The following PURB variants were observed in gnomAD, a reference collection of about 807,000 sequenced individuals.
The protein encoded by PURB is purine rich element binding protein B.
Under a neutral mutation model 21.1 loss-of-function variants are expected in PURB, and 11 were observed. The observed-to-expected ratio is 0.52, with a 90% CI of 0.33 to 0.86. The LOEUF is 0.86. Ranked by LOEUF, PURB falls within the 40% of genes least tolerant of loss-of-function variation. The pLI, the probability that PURB is intolerant of heterozygous loss-of-function variation, is 0.02. For missense variants in PURB, 357 were observed against 456.5 expected, an observed-to-expected ratio of 0.78 and a Z score of 1.99; for synonymous variants, 246 against 210.8, an observed-to-expected ratio of 1.17 and a Z score of -1.45.
rs555944222 is a variant in PURB, at chr7:44,877,284, C to A, written c.*7126G>T. The A allele has an allele frequency of 6.6e-6, 1 of 152,160 alleles. No individual in the cohort carries two copies. The highest frequency in any genetic ancestry group is 2.4e-5 in the African/African-American group (1 of 41,490). 9.4% of individuals were successfully genotyped at this position (152,160 alleles called of 1,614,324 possible). On this transcript the variant is annotated 3_prime_UTR_variant, in exon 1 of 1. Transcript: ENST00000395699. ...TCTTGGAAAAACATCTGGATGGAGG[C>A]CCAAAATAATAAATCCCTACTATAA...
rs1344974589 is a variant in PURB at position 44,878,391 on chromosome 7, T to TA, written c.*6018dup. 1.1e-4 allele frequency: 16 copies of TA among 152,242 alleles called. No individual in the cohort carries two copies. Among genetic ancestry groups the TA allele is most frequent in the Non-Finnish European group, 2.2e-4 (15 of 68,042 alleles). 9.4% of individuals were successfully genotyped at this position (152,242 alleles called of 1,614,324 possible). A position where few individuals can be genotyped will look rare whatever the true frequency, so the allele number is the denominator to read the frequency against. On this transcript the variant is annotated 3_prime_UTR_variant, in exon 1 of 1. Coordinates refer to ENST00000395699, the MANE Select transcript of PURB (RefSeq NM_033224.5). ...TCTAGACTCAAAATCTGTTGACACT[T>TA]AAAGTATAATTATACTTTTTTATTA...
At position 44,878,163 on chromosome 7, in the gene PURB, C is replaced by T. The variant is rs1157652565; in HGVS notation, c.*6247G>A. The stretch of plus-strand genomic sequence containing the variant: ...AAATGGATATTTTGGAAAAAGTTAG[C>T]TATTGAAGTGTTATTTAAGGTAAGG... On this transcript the variant is annotated 3_prime_UTR_variant, in exon 1 of 1. Transcript: ENST00000395699. The T allele has an allele frequency of 6.6e-6, 1 of 152,114 alleles. No individual in the cohort carries two copies. Among genetic ancestry groups the T allele is most frequent in the African/African-American group, 2.4e-5 (1 of 41,428 alleles). 9.4% of individuals were successfully genotyped at this position (152,114 alleles called of 1,614,324 possible). A position where few individuals can be genotyped will look rare whatever the true frequency, so the allele number is the denominator to read the frequency against.
rs1793810208 is a variant in PURB, at chr7:44,876,998, C to T, written c.*7412G>A. ...ATTTACACAGAGATTGAAGACATCC[C>T]CAAAAAACACATTTTAAAGTAATTT... On this transcript the variant is annotated 3_prime_UTR_variant, in exon 1 of 1. Coordinates refer to ENST00000395699, the MANE Select transcript of PURB (RefSeq NM_033224.5). 1 of 152,520 alleles carries T rather than the reference C, an allele frequency of 6.6e-6. No homozygotes were observed. Among genetic ancestry groups the T allele is most frequent in the Admixed American group, 6.6e-5 (1 of 15,264 alleles). The allele number at this position is 152,520 out of a possible 1,614,324, so 9.4% of individuals were successfully genotyped here.
rs1028312430 is a variant in PURB, at chr7:44,881,079, T to C, written c.*3331A>G. On this transcript the variant is annotated 3_prime_UTR_variant, in exon 1 of 1. Transcript: ENST00000395699. ...GTAGGATCTCTTCACAGATTTTTAT[T>C]CTTTTGATTCTGTTCCTAAAATTTG... 1.3e-5 allele frequency: 2 copies of C among 152,578 alleles called. No individual in the cohort carries two copies. The highest frequency in any genetic ancestry group is 4.8e-5 in the African/African-American group (2 of 41,456). 9.5% of individuals were successfully genotyped at this position (152,578 alleles called of 1,614,324 possible). A position where few individuals can be genotyped will look rare whatever the true frequency, so the allele number is the denominator to read the frequency against.
rs1330660865 is a variant in PURB, at chr7:44,879,077, G to A, written c.*5333C>T. On this transcript the variant is annotated 3_prime_UTR_variant, in exon 1 of 1. Coordinates refer to ENST00000395699, the MANE Select transcript of PURB (RefSeq NM_033224.5). ...ATTTTTTGAGACGGAGTCTTGTTCT[G>A]TTACCCAGGCTGGAGTGCAATGGCG... The A allele has an allele frequency of 6.6e-6, 1 of 152,154 alleles. No individual in the cohort carries two copies. Among genetic ancestry groups the A allele is most frequent in the African/African-American group, 2.4e-5 (1 of 41,420 alleles). 9.4% of individuals were successfully genotyped at this position (152,154 alleles called of 1,614,324 possible). A position where few individuals can be genotyped will look rare whatever the true frequency, so the allele number is the denominator to read the frequency against.
In PURB at chr7:44,881,833, A is replaced by T. The variant is rs922042793; in HGVS notation, c.*2577T>A. 3 of 154,752 alleles carry T rather than the reference A, an allele frequency of 1.9e-5. No homozygotes were observed. The highest frequency in any genetic ancestry group is 2.9e-5 in the Non-Finnish European group (2 of 68,210). 9.6% of individuals were successfully genotyped at this position (154,752 alleles called of 1,614,324 possible). A position where few individuals can be genotyped will look rare whatever the true frequency, so the allele number is the denominator to read the frequency against. ...TTCAGCTAATTATAGCTTAGTAGCCACTGGTGAAGGATTGTGAAGACCCTG... is the reference window on the plus strand; with the variant it reads ...TTCAGCTAATTATAGCTTAGTAGCCTCTGGTGAAGGATTGTGAAGACCCTG... On this transcript the variant is annotated 3_prime_UTR_variant, in exon 1 of 1. Transcript: ENST00000395699.
chr7:44,884,336 G>A lies in PURB; in HGVS notation c.*74C>T. On this transcript the variant is annotated 3_prime_UTR_variant, in exon 1 of 1. Transcript: ENST00000395699. Reference sequence around the variant, plus strand: ...GCTCCCTCTCCACTAGCTCACTGGGGATGAGCAGGAAAGGGAATTCTCTAG... The same window carrying A: ...GCTCCCTCTCCACTAGCTCACTGGGAATGAGCAGGAAAGGGAATTCTCTAG... 6.4e-7 allele frequency: 1 copy of A among 1,560,126 alleles called. No individual in the cohort carries two copies.
rs3832522 is a variant in PURB, at chr7:44,881,638, C to CT, written c.*2771dup. The CT allele has an allele frequency of 2.0e-5, 3 of 152,616 alleles. No homozygotes were observed. Among genetic ancestry groups the CT allele is most frequent in the Non-Finnish European group, 2.9e-5 (2 of 68,072 alleles). The allele number at this position is 152,616 out of a possible 1,614,324, so 9.5% of individuals were successfully genotyped here. A position where few individuals can be genotyped will look rare whatever the true frequency, so the allele number is the denominator to read the frequency against. On this transcript the variant is annotated 3_prime_UTR_variant, in exon 1 of 1. Transcript: ENST00000395699. Reference sequence around the variant, plus strand: ...CACATAGCTTATGCATTCTTTGCTCCTTTTTTTGGAGGATTTTCAAATTGA... The same window carrying CT: ...CACATAGCTTATGCATTCTTTGCTCCTTTTTTTTGGAGGATTTTCAAATTGA...
In PURB at chr7:44,878,789, A is replaced by G. The variant is rs1346482361; in HGVS notation, c.*5621T>C. On this transcript the variant is annotated 3_prime_UTR_variant, in exon 1 of 1. Transcript: ENST00000395699. Reference sequence around the variant, plus strand: ...TTTCCAAATCTAATTTTCAGTACTGATAATTGGACAATTTTCAAGTAAGAG... The same window carrying G: ...TTTCCAAATCTAATTTTCAGTACTGGTAATTGGACAATTTTCAAGTAAGAG... 6.6e-6 allele frequency: 1 copy of G among 152,500 alleles called. No individual in the cohort carries two copies. Among genetic ancestry groups the G allele is most frequent in the East Asian group, 1.9e-4 (1 of 5,200 alleles). The allele number at this position is 152,500 out of a possible 1,614,324, so 9.4% of individuals were successfully genotyped here. A position where few individuals can be genotyped will look rare whatever the true frequency, so the allele number is the denominator to read the frequency against.
rs1446070215 is a variant in PURB at position 44,882,665 on chromosome 7, T to C, written c.*1745A>G. 1 of 152,238 alleles carries C rather than the reference T, an allele frequency of 6.6e-6. No homozygotes were observed. The highest frequency in any genetic ancestry group is 1.5e-5 in the Non-Finnish European group (1 of 68,016). 9.4% of individuals were successfully genotyped at this position (152,238 alleles called of 1,614,324 possible). A position where few individuals can be genotyped will look rare whatever the true frequency, so the allele number is the denominator to read the frequency against. ...CCAAAATAAGATAATAAAAAGGATA[T>C]GCAATAAATTAAAAAGGCAGCTCAA... On this transcript the variant is annotated 3_prime_UTR_variant, in exon 1 of 1. Transcript: ENST00000395699.
At position 44,884,250 on chromosome 7, in the gene PURB, C is replaced by A; in HGVS notation, c.*160G>T. The stretch of plus-strand genomic sequence containing the variant: ...TTTTCTCAAGTTGTCCGTCACTGTT[C>A]TCTTACGATTATTTCTCTTAACTGT... On this transcript the variant is annotated 3_prime_UTR_variant, in exon 1 of 1. Coordinates refer to ENST00000395699, the MANE Select transcript of PURB (RefSeq NM_033224.5). 1.4e-6 allele frequency: 2 copies of A among 1,415,002 alleles called. No individual in the cohort carries two copies. Among genetic ancestry groups the A allele is most frequent in the East Asian group, 5.0e-5 (2 of 40,006 alleles). 87.7% of individuals were successfully genotyped at this position (1,415,002 alleles called of 1,614,324 possible).
Position 44,884,481 on chromosome 7 carries a change from G to A in PURB, c.868C>T (p.Leu290Phe), listed in dbSNP as rs1271405493. 6.2e-7 allele frequency: 1 copy of A among 1,613,904 alleles called. No individual in the cohort carries two copies. Among genetic ancestry groups the A allele is most frequent in the Non-Finnish European group, 8.5e-7 (1 of 1,180,000 alleles). Residue 290 changes from leucine (L) to phenylalanine (F), a missense_variant, in exon 1 of 1, where the codon CTT becomes TTT. Coordinates refer to ENST00000395699, the MANE Select transcript of PURB (RefSeq NM_033224.5). ...CTGCCCCCACCACGTCGCTCATAAA[G>A]CTTATCCCTCTGTCGTTCCTGGATT... The part of the protein sequence containing the change: ...KEIQERQRDK[L>F]YERRGGGSGG...
rs201815837 is a variant in PURB, at chr7:44,885,172, G to C, written c.177C>G (p.Leu59=). The part of the protein sequence containing the change: ...DVKQNAKGRF[L]KIAEVGAGGS... ...CGCCCGCGCCCACCTCGGCGATCTT[G>C]AGGAAGCGGCCCTTGGCGTTCTGCT... The change falls in exon 1 of 1, where the codon CTC becomes CTG. Residue 59 remains leucine, a synonymous_variant. Transcript: ENST00000395699. 3.0e-5 allele frequency: 47 copies of C among 1,584,736 alleles called. No individual in the cohort carries two copies. The highest frequency in any genetic ancestry group is 3.8e-5 in the Non-Finnish European group (45 of 1,170,278).
rs1331050873 is a variant in PURB at position 44,885,187 on chromosome 7, G to C, written c.162C>G (p.Ala54=). 2.5e-6 allele frequency: 4 copies of C among 1,588,448 alleles called. No homozygotes were observed. Among genetic ancestry groups the C allele is most frequent in the Non-Finnish European group, 3.4e-6 (4 of 1,171,462 alleles). ...CGGCGATCTTGAGGAAGCGGCCCTT[G>C]GCGTTCTGCTTCACATCTAAGTAGA... ...KRFYLDVKQN[A]KGRFLKIAEV... Residue 54 remains alanine (A), a synonymous_variant, in exon 1 of 1, where the codon GCC becomes GCG. Coordinates refer to ENST00000395699, the MANE Select transcript of PURB (RefSeq NM_033224.5).
rs935407081 is a variant in PURB, at chr7:44,878,925, G to C, written c.*5485C>G. 1.3e-5 allele frequency: 2 copies of C among 152,170 alleles called. No individual in the cohort carries two copies. The highest frequency in any genetic ancestry group is 4.8e-5 in the African/African-American group (2 of 41,454). The allele number at this position is 152,170 out of a possible 1,614,324, so 9.4% of individuals were successfully genotyped here. A position where few individuals can be genotyped will look rare whatever the true frequency, so the allele number is the denominator to read the frequency against. The stretch of plus-strand genomic sequence containing the variant: ...AAAGAAATCATTATTCAAGAGTCCA[G>C]CTATCTGCTGAAACTTCTGGGGGGC... On this transcript the variant is annotated 3_prime_UTR_variant, in exon 1 of 1. Transcript: ENST00000395699.
In PURB at chr7:44,883,715, G is replaced by A. The variant is rs142417079; in HGVS notation, c.*695C>T. On this transcript the variant is annotated 3_prime_UTR_variant, in exon 1 of 1. Coordinates refer to ENST00000395699, the MANE Select transcript of PURB (RefSeq NM_033224.5). ...GCATCCTGGAAAACAATTCTGCGAA[G>A]AAAAGACATTTGCCTTGGTCCAGGT... is the stretch of plus-strand genomic sequence containing the variant. 6.6e-6 allele frequency: 1 copy of A among 152,592 alleles called. No homozygotes were observed. Among genetic ancestry groups the A allele is most frequent in the African/African-American group, 2.4e-5 (1 of 41,578 alleles). 9.5% of individuals were successfully genotyped at this position (152,592 alleles called of 1,614,324 possible).
rs933622115 is a variant in PURB, at chr7:44,883,435, T to C, written c.*975A>G. The C allele has an allele frequency of 2.6e-5, 4 of 152,614 alleles. No individual in the cohort carries two copies. Among genetic ancestry groups the C allele is most frequent in the African/African-American group, 9.7e-5 (4 of 41,438 alleles). 9.5% of individuals were successfully genotyped at this position (152,614 alleles called of 1,614,324 possible). A position where few individuals can be genotyped will look rare whatever the true frequency, so the allele number is the denominator to read the frequency against. On this transcript the variant is annotated 3_prime_UTR_variant, in exon 1 of 1. Coordinates refer to ENST00000395699, the MANE Select transcript of PURB (RefSeq NM_033224.5). ...AGCCATAATTCACTGGCTCACACAG[T>C]GGAGATCTGGCTCTCATTCATACCA...
Position 44,877,231 on chromosome 7 carries a change from A to C in PURB, c.*7179T>G, listed in dbSNP as rs1184357566. The C allele has an allele frequency of 6.6e-6, 1 of 152,424 alleles. No individual in the cohort carries two copies. The highest frequency in any genetic ancestry group is 1.9e-4 in the East Asian group (1 of 5,202). The allele number at this position is 152,424 out of a possible 1,614,324, so 9.4% of individuals were successfully genotyped here. A position where few individuals can be genotyped will look rare whatever the true frequency, so the allele number is the denominator to read the frequency against. ...AGAACGGAAAGTATGTTATCTGGAA[A>C]CAGAAGACAAATGAATTTTAAAAAT... On this transcript the variant is annotated 3_prime_UTR_variant, in exon 1 of 1. Transcript: ENST00000395699.
rs763414 is a variant in PURB at position 44,884,588 on chromosome 7, T to C, written c.761A>G (p.Tyr254Cys). 1 of 1,614,150 alleles carries C rather than the reference T, an allele frequency of 6.2e-7. No homozygotes were observed. Among genetic ancestry groups the C allele is most frequent in the Non-Finnish European group, 8.5e-7 (1 of 1,180,006 alleles). ...FLRVSEVKPS[Y>C]RNAITVPFKA... ...GAAGGGTACGGTGATGGCATTGCGG[T>C]AGGACGGCTTCACCTCGCTCACTCG... The change falls in exon 1 of 1, where the codon TAC (tyrosine) becomes TGC (cysteine). Residue 254 changes from tyrosine to cysteine, a missense_variant. Transcript: ENST00000395699.
Sources: gnomAD v4.1 joint callset for allele counts on GRCh38, gnomAD v4.1.1 for gene constraint, MANE v1.5 for transcripts, NCBI Gene and HGNC (gene_info 2026-07-23, HGNC 2026-07-21) for gene names.